MTPN: variants seen among roughly 807,000 people sequenced by gnomAD.
MTPN encodes the protein granule cell differentiation protein.
MTPN carries 2 observed loss-of-function variants against 13.5 expected under a neutral mutation model. The observed-to-expected ratio is 0.15, with a 90% CI of 0.06 to 0.47. The LOEUF (loss-of-function observed/expected upper bound fraction) is 0.47. MTPN is among the 20% of genes least tolerant of loss of function. MTPN has a pLI of 0.97. For synonymous variants in MTPN, 46 were observed against 51.7 expected (o/e 0.89, Z 0.48); for missense variants, 79 against 137.9 (o/e 0.57, Z 2.14).
At chr7:135,974,558 G>C (rs545676376) in intron 1 of MTPN, among the ~76,000 whole-genome samples, 3 of 152,224 alleles carry the variant, frequency 2.0e-5, no homozygotes, top group African/African-American at 7.2e-5. Context: ...AGAGGAGGAG[G>C]AGGGGAATAC....
At chr7:135,938,240 AT>A (rs1292180075) in intron 3 of MTPN, among the ~76,000 whole-genome samples, 1 of 152,228 alleles carries the variant, frequency 6.6e-6, no homozygotes, top group Non-Finnish European at 1.5e-5. Flanking sequence ...ATCTCTACAT[AT>A]GCATATGGAT....
chr7:135,941,188 C>T (rs1382544711), intron 3 of MTPN, among the ~76,000 whole-genome samples: 2 of 152,168 alleles, frequency 1.3e-5, no homozygotes, highest in Non-Finnish European at 2.9e-5. Flanking sequence ...AATAGTGTGG[C>T]AAGTACTAAA....
At chr7:135,936,896 A>G (rs1379607414) in intron 3 of MTPN, among the ~76,000 whole-genome samples, 1 of 152,234 alleles carries the variant, frequency 6.6e-6, no homozygotes, top group East Asian at 1.9e-4. Context: ...CCACACTTGT[A>G]GATAATCAAG....
At chr7:135,955,160 T>C (rs930890711) in intron 1 of MTPN, among the ~76,000 whole-genome samples, 8 of 152,100 alleles carry the variant, frequency 5.3e-5, no homozygotes, top group African/African-American at 1.2e-4. Context: ...GCAGTACTTA[T>C]AGAGAAATTT....
At chr7:135,945,674 CT>C (rs1253661558) in intron 3 of MTPN, among the ~76,000 whole-genome samples, 2 of 152,054 alleles carry the variant, frequency 1.3e-5, no homozygotes, top group African/African-American at 4.8e-5. Context: ...AGAATACCTC[CT>C]GAAGGACATG....
chr7:135,953,419 C>G (rs1799394585), intron 1 of MTPN, among the ~76,000 whole-genome samples: 1 of 152,080 alleles, frequency 6.6e-6, no homozygotes, highest in Admixed American at 6.6e-5. Context: ...AACAGGAGCT[C>G]CATCACCATT....
At chr7:135,967,199 TGTTA>T (rs1263805857) in intron 1 of MTPN, among the ~76,000 whole-genome samples, 1 of 152,086 alleles carries the variant, frequency 6.6e-6, no homozygotes, top group African/African-American at 2.4e-5. Context: ...TCTAATAACT[TGTTA>T]GTCAAGCCAG....
At chr7:135,937,819 T>C (rs1052250380) in intron 3 of MTPN, among the ~76,000 whole-genome samples, 1 of 152,182 alleles carries the variant, frequency 6.6e-6, no homozygotes, top group African/African-American at 2.4e-5. Context: ...AAAATGAGGA[T>C]AAAGGTCTTT....
At chr7:135,937,344 A>T (rs933674160) in intron 3 of MTPN, among the ~76,000 whole-genome samples, 4 of 151,676 alleles carry the variant, frequency 2.6e-5, no homozygotes, top group Admixed American at 6.6e-5. Context: ...TTCTATATAT[A>T]TATAGATCTC....
intron 3 of MTPN, among the ~76,000 whole-genome samples, chr7:135,943,341 T>C (rs1280390395): frequency 1.3e-5 from 2 of 152,182 alleles, no homozygotes; most frequent in Middle Eastern, 3.2e-3. Context: ...ATCTTACACA[T>C]TTGATTCCCA....
At chr7:135,969,265 G>GA (rs1799656748) in intron 1 of MTPN, among the ~76,000 whole-genome samples, 1 of 136,380 alleles carries the variant, frequency 7.3e-6, no homozygotes, top group African/African-American at 2.7e-5. Flanking sequence ...AAAAAAAAAA[G>GA]AATGTCAGAA....
At chr7:135,943,874 T>C (rs1799248780) in intron 3 of MTPN, among the ~76,000 whole-genome samples, 1 of 152,226 alleles carries the variant, frequency 6.6e-6, no homozygotes, top group Non-Finnish European at 1.5e-5. Context: ...AGTAACAAAA[T>C]GATAGCTTAT....
At chr7:135,968,994 C>T (rs4732163) in intron 1 of MTPN, among the ~76,000 whole-genome samples, 70,769 of 149,154 alleles carry the variant, frequency 0.47, 16,963 homozygotes, top group East Asian at 0.6. Context: ...AGAGGAACTA[C>T]ATTGTTCAAT....
chr7:135,954,608 A>G (rs958547888), intron 1 of MTPN, among the ~76,000 whole-genome samples: 2 of 152,322 alleles, frequency 1.3e-5, no homozygotes, highest in South Asian at 2.1e-4. Context: ...TAAATCATCA[A>G]TAAGATCTTT....
At position 135,929,850 on chromosome 7, in the gene MTPN, A is replaced by T; in HGVS notation, c.*76T>A. On this transcript the variant is annotated 3_prime_UTR_variant, in exon 4 of 4. Coordinates refer to ENST00000393085, the MANE Select transcript of MTPN (RefSeq NM_145808.4). Reference sequence around the variant, plus strand: ...TTTAGCTGAAGAAGCTGGCAGATAGAGAGTGACAGACAGACAGGCAGCAGT... The same window carrying T: ...TTTAGCTGAAGAAGCTGGCAGATAGTGAGTGACAGACAGACAGGCAGCAGT... 1 of 1,367,850 alleles carries T rather than the reference A, an allele frequency of 7.3e-7. No homozygotes were observed. The highest frequency in any genetic ancestry group is 1.0e-6 in the Non-Finnish European group (1 of 956,102). 84.7% of individuals were successfully genotyped at this position (1,367,850 alleles called of 1,614,324 possible). A position where few individuals can be genotyped will look rare whatever the true frequency, so the allele number is the denominator to read the frequency against.
intron 1 of MTPN, among the ~76,000 whole-genome samples, chr7:135,958,540 A>G (rs1009031800): frequency 6.6e-6 from 1 of 152,164 alleles, no homozygotes; most frequent in Non-Finnish European, 1.5e-5. Context: ...ATAACTGAGT[A>G]TCTCTAATGA....
Position 135,936,679 on chromosome 7 carries a change from T to C in MTPN, c.271-6667A>G, listed in dbSNP as rs1381152235. ...CACTTATTTTCAGGTAATTGCAACA[T>C]AGAAGTCCCTTTATTGCTGACATCT... On this transcript the variant is annotated intron_variant, in intron 3 of 3. Coordinates refer to ENST00000393085, the MANE Select transcript of MTPN (RefSeq NM_145808.4). Among the ~76,000 whole-genome samples the C allele has an allele frequency of 5.9e-5, 9 of 152,300 alleles. No homozygotes were observed. The South Asian group carries it at 1.0e-3, about 18-fold the overall frequency.
chr7:135,968,825 A>G (rs1258131058), intron 1 of MTPN, among the ~76,000 whole-genome samples: 1 of 152,020 alleles, frequency 6.6e-6, no homozygotes, highest in Non-Finnish European at 1.5e-5. Context: ...TATGGGAAAA[A>G]AAATTTTAAG....
chr7:135,975,584 C>G (rs560853003), intron 1 of MTPN, among the ~76,000 whole-genome samples: 132 of 152,254 alleles, frequency 8.7e-4, no homozygotes, highest in African/African-American at 3.0e-3. Context: ...AGTACTTAAT[C>G]AACTTTTTGT....
Sources: gnomAD v4.1 joint callset for allele counts (sites outside exome capture counted in the v4.1 genomes callset) on GRCh38, gnomAD v4.1.1 for gene constraint, MANE v1.5 for transcripts, NCBI Gene and HGNC (gene_info 2026-07-23, HGNC 2026-07-21) for gene names.